The following EYA2 variants were observed in gnomAD, a reference collection of about 807,000 sequenced individuals.
The protein encoded by EYA2 is protein phosphatase EYA2.
EYA2 carries 31 observed loss-of-function variants against 69.2 expected under a neutral mutation model. The observed-to-expected ratio is 0.45, with a 90% confidence interval of 0.34 to 0.60. EYA2 has a LOEUF of 0.60. Among genes scored for constraint, EYA2 ranks in the 20% least tolerant of loss-of-function variants. EYA2 has a pLI of 0.02. For synonymous variants in EYA2, 257 were observed against 279.4 expected (o/e 0.92, Z 0.80); for missense variants, 622 against 701.2 (o/e 0.89, Z 1.28).
At chr20:47,091,796 A>G (rs561769438) in intron 8 of EYA2, among the ~76,000 whole-genome samples, 22 of 152,304 alleles carry the variant, frequency 1.4e-4, no homozygotes, top group African/African-American at 5.1e-4. Context: ...TTTACTAGGA[A>G]AGGACAATGA....
intron 1 of EYA2, chr20:46,978,570 T>C: frequency 1.9e-6 from 1 of 534,786 alleles, no homozygotes; most frequent in Middle Eastern, 3.2e-4. Context: ...ATCAAGGCTG[T>C]GTTCGGAACT....
intron 9 of EYA2, among the ~76,000 whole-genome samples, chr20:47,101,746 C>T (rs2146526133): frequency 6.6e-6 from 1 of 152,300 alleles, no homozygotes; most frequent in South Asian, 2.1e-4. Context: ...TGCACTATAG[C>T]TCTAAGCTTG....
intron 2 of EYA2, among the ~76,000 whole-genome samples, chr20:46,996,919 T>A (rs911317564): frequency 2.0e-5 from 3 of 151,438 alleles, no homozygotes; most frequent in Non-Finnish European, 4.4e-5. Flanking sequence ...AACAAATTAG[T>A]ACCAAGTGGC....
chr20:46,947,370 G>A lies in EYA2; in HGVS notation c.-10-42631G>A, dbSNP rs757080960. 2.9e-4 allele frequency among the ~76,000 whole-genome samples: 44 copies of A among 150,686 alleles called. 1 individual carries two copies. The highest frequency in any genetic ancestry group is 5.2e-4 in the Non-Finnish European group (35 of 67,782). ...TCCTCATAAAGGACATATTTTATATGTCACCCCTGTAATGACATACAATAA... is the reference window on the plus strand; with the variant it reads ...TCCTCATAAAGGACATATTTTATATATCACCCCTGTAATGACATACAATAA... On this transcript the variant is annotated intron_variant, in intron 1 of 15. Coordinates refer to ENST00000327619, the MANE Select transcript of EYA2 (RefSeq NM_005244.5).
chr20:47,166,394 A>T (rs991958971), intron 10 of EYA2, among the ~76,000 whole-genome samples: 6,747 of 40,694 alleles, frequency 0.17, 376 homozygotes, highest in African/African-American at 0.38. Flanking sequence ...AAGACTGTCT[A>T]AAAAAAAAAA....
At chr20:46,903,805 ACTT>A (rs1984228603) in intron 1 of EYA2, among the ~76,000 whole-genome samples, 1 of 141,214 alleles carries the variant, frequency 7.1e-6, no homozygotes, top group Admixed American at 6.9e-5. Context: ...GAAGCAAATT[ACTT>A]AGACTCTTTG....
At chr20:47,053,431 C>T (rs2030442226) in intron 5 of EYA2, among the ~76,000 whole-genome samples, 1 of 151,962 alleles carries the variant, frequency 6.6e-6, no homozygotes, top group South Asian at 2.1e-4. Flanking sequence ...TTTGGGAAAC[C>T]AAGATGAGCA....
chr20:46,920,311 G>A (rs1400978966), intron 1 of EYA2, among the ~76,000 whole-genome samples: 13 of 151,382 alleles, frequency 8.6e-5, no homozygotes, highest in South Asian at 2.1e-4. Context: ...GCTTTATTGC[G>A]GTGATCTGGA....
At chr20:47,151,258 C>G (rs1254316715) in intron 10 of EYA2, among the ~76,000 whole-genome samples, 1 of 151,828 alleles carries the variant, frequency 6.6e-6, no homozygotes, top group Non-Finnish European at 1.5e-5. Flanking sequence ...GTAATCCCAG[C>G]TACTCGGTAG....
chr20:46,955,735 ACT>A (rs1351445774), intron 1 of EYA2, among the ~76,000 whole-genome samples: 1 of 152,176 alleles, frequency 6.6e-6, no homozygotes, highest in Non-Finnish European at 1.5e-5. Flanking sequence ...ACATTTTTTC[ACT>A]GTTAGTACAT....
At chr20:47,180,624 A>C (rs149018010) in intron 13 of EYA2, among the ~76,000 whole-genome samples, 191 bp from the exon 14 acceptor site, 189 of 152,318 alleles carry the variant, frequency 1.2e-3, no homozygotes, top group East Asian at 8.7e-3. Context: ...ACTACATTTC[A>C]CTATGTCAGG....
At chr20:46,999,883 G>T (rs896750447) in intron 2 of EYA2, among the ~76,000 whole-genome samples, 1 of 152,212 alleles carries the variant, frequency 6.6e-6, no homozygotes, top group African/African-American at 2.4e-5. Context: ...CGCGTGCTCA[G>T]AGCGCTGTTG....
intron 5 of EYA2, among the ~76,000 whole-genome samples, chr20:47,057,332 A>G (rs1267596152): frequency 6.6e-6 from 1 of 152,152 alleles, no homozygotes; most frequent in Non-Finnish European, 1.5e-5. Context: ...ACCACTTTGT[A>G]TTCTGGGTAA....
At chr20:47,074,774 C>T (rs1347012470) in intron 7 of EYA2, among the ~76,000 whole-genome samples, 1 of 152,190 alleles carries the variant, frequency 6.6e-6, no homozygotes, top group Non-Finnish European at 1.5e-5. Flanking sequence ...TTCATTACTG[C>T]CTGGCCCATG....
intron 9 of EYA2, among the ~76,000 whole-genome samples, chr20:47,128,681 C>T (rs905431900): frequency 2.0e-5 from 3 of 151,976 alleles, no homozygotes; most frequent in Non-Finnish European, 1.5e-5. Flanking sequence ...GATTTGAATC[C>T]CAGCTCTGCC....
chr20:47,070,508 T>C (rs2031275551), intron 5 of EYA2, among the ~76,000 whole-genome samples: 1 of 152,202 alleles, frequency 6.6e-6, no homozygotes, highest in Non-Finnish European at 1.5e-5. Flanking sequence ...AAACATATGC[T>C]TACCACACAA....
chr20:47,068,959 C>A (rs1242061229), intron 5 of EYA2, among the ~76,000 whole-genome samples: 1 of 152,150 alleles, frequency 6.6e-6, no homozygotes, highest in East Asian at 1.9e-4. Flanking sequence ...GCTTTAAAAC[C>A]TCTGACAGCA....
chr20:46,988,001 G>T (rs1981400528), intron 1 of EYA2, among the ~76,000 whole-genome samples: 4 of 55,172 alleles, frequency 7.3e-5, no homozygotes, highest in Non-Finnish European at 1.1e-4. Context: ...TATATATGGG[G>T]CAAAAAAAAA....
At chr20:46,997,738 A>T (rs1478288210) in intron 2 of EYA2, 1 of 152,304 alleles carries the variant, frequency 6.6e-6, no homozygotes, top group Non-Finnish European at 1.5e-5. Flanking sequence ...ATATGAATCC[A>T]TCACGGCAAG....
Sources: gnomAD v4.1 joint callset for allele counts (sites outside exome capture counted in the v4.1 genomes callset) on GRCh38, gnomAD v4.1.1 for gene constraint, MANE v1.5 for transcripts, NCBI Gene and HGNC (gene_info 2026-07-23, HGNC 2026-07-21) for gene names.